The following PTER variants were observed in gnomAD, a reference collection of about 807,000 sequenced individuals.
PTER encodes the protein phosphotriesterase related, also known as N-acetyltaurine hydrolase.
A neutral mutation model predicts 29.6 loss-of-function variants in PTER; 38 were observed. That is an observed-to-expected ratio of 1.28 (90% CI 0.99 to 1.68). The LOEUF (loss-of-function observed/expected upper bound fraction) is 1.68. Ranked by LOEUF, PTER falls within the 40% of genes most tolerant of loss-of-function variation. The pLI is 0.00. For missense variants in PTER, 482 were observed against 427.8 expected (o/e 1.13, Z -1.12); for synonymous variants, 172 against 154.5 (o/e 1.11, Z -0.84).
chr10:16,471,104 G>A (rs1047370082), intron 1 of PTER, among the ~76,000 whole-genome samples: 1 of 152,106 alleles, frequency 6.6e-6, no homozygotes, highest in Non-Finnish European at 1.5e-5. Context: ...AAAATCAGTC[G>A]GCGATGGACT....
Position 16,458,131 on chromosome 10 carries a change from G to A in PTER, c.-49+21084G>A, listed in dbSNP as rs185793317. Among the ~76,000 whole-genome samples the A allele has an allele frequency of 2.0e-4, 31 of 152,088 alleles. No homozygotes were observed. The South Asian group carries it at 2.3e-3, about 11-fold the overall frequency. On this transcript the variant is annotated intron_variant, in intron 1 of 4. Coordinates refer to ENST00000535784, the MANE Select transcript of PTER (RefSeq NM_001261836.2). ...ACAAAAGAAACCCTATTATCTTGTG[G>A]AAAGACCTTATATTCAATTAAAGAT...
chr10:16,505,221 C>G (rs1215719340), intron 4 of PTER, 61 bp downstream of exon 4: 3 of 1,572,744 alleles, frequency 1.9e-6, no homozygotes, highest in Admixed American at 3.6e-5. Context: ...ATTGTCATAT[C>G]TAGGGAAGTA....
chr10:16,449,724 C>T (rs1428388215), intron 1 of PTER, among the ~76,000 whole-genome samples: 1 of 152,148 alleles, frequency 6.6e-6, no homozygotes, highest in Non-Finnish European at 1.5e-5. Context: ...TGCAGGTGCT[C>T]CTCTCACAAA....
downstream of PTER, among the ~76,000 whole-genome samples, chr10:16,514,992 G>C (rs1165700533): frequency 6.6e-6 from 1 of 152,014 alleles, no homozygotes; most frequent in African/African-American, 2.4e-5. Context: ...TTATCTTCCT[G>C]TATCACTCGT....
At chr10:16,445,712 T>C (rs1223392174) in intron 1 of PTER, among the ~76,000 whole-genome samples, 1 of 152,166 alleles carries the variant, frequency 6.6e-6, no homozygotes, top group Non-Finnish European at 1.5e-5. Context: ...TGATGCACCA[T>C]GCGTGGCTAG....
At chr10:16,437,100 G>GA in intron 1 of PTER, 53 bp downstream of exon 1, 1 of 152,440 alleles carries the variant, frequency 6.6e-6, no homozygotes, top group Non-Finnish European at 1.5e-5. Context: ...CCAGTAGGAA[G>GA]AGTGGGGCCC....
At position 16,452,911 on chromosome 10, in the gene PTER, C is replaced by T. The variant is rs146958114; in HGVS notation, c.-49+15864C>T. 3.6e-3 allele frequency among the ~76,000 whole-genome samples: 554 copies of T among 152,040 alleles called. 7 individuals are homozygous for T. The highest frequency in any genetic ancestry group is 0.012 in the African/African-American group (514 of 41,492). On this transcript the variant is annotated intron_variant, in intron 1 of 4. Transcript: ENST00000535784. The stretch of plus-strand genomic sequence containing the variant: ...GGGATTACAGGCATGCCCTCACACC[C>T]GGCTAATTTTTGTACTTTTTTAGAG...
chr10:16,495,933 G>GTTAT (rs1189858121), intron 3 of PTER, among the ~76,000 whole-genome samples: 1 of 152,160 alleles, frequency 6.6e-6, no homozygotes, highest in Non-Finnish European at 1.5e-5. Flanking sequence ...CCTTGTTCTT[G>GTTAT]TTATTTAATG....
In PTER at chr10:16,511,259, T is replaced by G; in HGVS notation, c.*3T>G. ...AGCAATGGCTAACTTTCAAATAGGA[T>G]GGTTGCTTATGAATTCACACCTTGA... On this transcript the variant is annotated 3_prime_UTR_variant, in exon 5 of 5. Transcript: ENST00000535784. 6.2e-7 allele frequency: 1 copy of G among 1,610,522 alleles called. No homozygotes were observed. Among genetic ancestry groups the G allele is most frequent in the Non-Finnish European group, 8.5e-7 (1 of 1,176,908 alleles).
chr10:16,441,449 A>G (rs1449618721), intron 1 of PTER, among the ~76,000 whole-genome samples: 1 of 152,164 alleles, frequency 6.6e-6, no homozygotes, highest in Non-Finnish European at 1.5e-5. Flanking sequence ...TTTCGGATCT[A>G]AGAGTATCAG....
Position 16,512,006 on chromosome 10 carries a change from CATTACATTTATAATAACAAAG to C in PTER, c.*751_*771del, listed in dbSNP as rs1404494399. On this transcript the variant is annotated 3_prime_UTR_variant, in exon 5 of 5. Coordinates refer to ENST00000535784, the MANE Select transcript of PTER (RefSeq NM_001261836.2). ...TATTACATAATATAGTTTAATGAAT[CATTACATTTATAATAACAAAG>C]GCCACAATTTAATTAATTGGTAAGA... is the stretch of plus-strand genomic sequence containing the variant. 1.6e-4 allele frequency: 24 copies of C among 151,724 alleles called. No homozygotes were observed. Among genetic ancestry groups the C allele is most frequent in the African/African-American group, 5.8e-4 (24 of 41,128 alleles). 9.4% of individuals were successfully genotyped at this position (151,724 alleles called of 1,614,324 possible). A position where few individuals can be genotyped will look rare whatever the true frequency, so the allele number is the denominator to read the frequency against.
intron 4 of PTER, among the ~76,000 whole-genome samples, chr10:16,508,025 A>G (rs1170737299): frequency 6.6e-6 from 1 of 151,694 alleles, no homozygotes; most frequent in Non-Finnish European, 1.5e-5. Context: ...TTCCTGATCA[A>G]TGCCCTCAAC....
chr10:16,467,926 C>G (rs527533425), intron 1 of PTER, among the ~76,000 whole-genome samples: 2 of 152,186 alleles, frequency 1.3e-5, no homozygotes, highest in Non-Finnish European at 2.9e-5. Context: ...TTGGGAAAAA[C>G]ATTTTCCATG....
At chr10:16,514,788 G>A, downstream of PTER, 1 of 997,220 alleles carries the variant, frequency 1.0e-6, no homozygotes, top group South Asian at 1.6e-5. Context: ...AGCATCACAA[G>A]CTGACTTGCT....
chr10:16,505,145 A>G lies in PTER; in HGVS notation c.824A>G (p.Asn275Ser). The change falls in exon 4 of 5, where the codon AAC becomes AGC. Residue 275 changes from asparagine to serine, a missense_variant. By Grantham distance (46) the Asn-to-Ser change is conservative. Transcript: ENST00000535784. ...CCAGATATTGACATGCCTGATGATA[A>G]CAAAAGAATTAGAAGGTAAATATGG... ...LGPDIDMPDD[N>S]KRIRRVRLLV... 6.2e-7 allele frequency: 1 copy of G among 1,613,976 alleles called. No individual in the cohort carries two copies. The highest frequency in any genetic ancestry group is 1.1e-5 in the South Asian group (1 of 91,050).
At chr10:16,463,890 A>C (rs1286030410) in intron 1 of PTER, among the ~76,000 whole-genome samples, 1 of 152,224 alleles carries the variant, frequency 6.6e-6, no homozygotes, top group Non-Finnish European at 1.5e-5. Context: ...AATACAGCTC[A>C]TCATCCTTGT....
intron 1 of PTER, among the ~76,000 whole-genome samples, chr10:16,466,626 G>A (rs959722151): frequency 9.2e-5 from 14 of 152,216 alleles, no homozygotes; most frequent in African/African-American, 3.4e-4. Context: ...AAAGTGCTGG[G>A]CTTACAGGCA....
rs1836868085 is a variant in PTER, at chr10:16,512,946, A to G, written c.*1690A>G. The G allele has an allele frequency of 6.6e-6, 1 of 152,574 alleles. No homozygotes were observed. The highest frequency in any genetic ancestry group is 2.1e-4 in the South Asian group (1 of 4,828). The allele number at this position is 152,574 out of a possible 1,614,324, so 9.5% of individuals were successfully genotyped here. A position where few individuals can be genotyped will look rare whatever the true frequency, so the allele number is the denominator to read the frequency against. ...TTGGCAGTGTGTTCTAACCAGAAAG[A>G]AAGGATTTGTATTACTCTCCAAATC... On this transcript the variant is annotated 3_prime_UTR_variant, in exon 5 of 5. Coordinates refer to ENST00000535784, the MANE Select transcript of PTER (RefSeq NM_001261836.2).
At position 16,478,569 on chromosome 10, in the gene PTER, G is replaced by A. The variant is rs555940014; in HGVS notation, c.-48-5768G>A. Among the ~76,000 whole-genome samples the A allele has an allele frequency of 2.0e-5, 3 of 151,968 alleles. No individual in the cohort carries two copies. In the East Asian group the frequency reaches 5.8e-4, roughly 29 times the overall value. ...GGCTAGTCTCGAACACCTGACCTCA[G>A]GTGATTTGCCTGCCTCAGCCTCCCA... On this transcript the variant is annotated intron_variant, in intron 1 of 4. Coordinates refer to ENST00000535784, the MANE Select transcript of PTER (RefSeq NM_001261836.2).
Sources: gnomAD v4.1 joint callset for allele counts (sites outside exome capture counted in the v4.1 genomes callset) on GRCh38, gnomAD v4.1.1 for gene constraint, MANE v1.5 for transcripts, NCBI Gene and HGNC (gene_info 2026-07-23, HGNC 2026-07-21) for gene names.